The following TREML1 variants were observed in gnomAD, a reference collection of about 807,000 sequenced individuals.
TREML1 encodes trem-like transcript 1 protein.
TREML1 carries 27 observed loss-of-function variants against 22.8 expected under a neutral mutation model. That is an observed-to-expected ratio of 1.19 (90% CI 0.87 to 1.64). The LOEUF (loss-of-function observed/expected upper bound fraction) is 1.64, where lower values mean the gene tolerates loss of function less well. Among genes scored for constraint, TREML1 ranks in the 40% most tolerant of loss-of-function variants. The pLI is 0.00. For synonymous variants in TREML1, 153 were observed against 161.9 expected (o/e 0.94, Z 0.42); for missense variants, 356 against 382.0 (o/e 0.93, Z 0.57).
intron 2 of TREML1, among the ~76,000 whole-genome samples, chr6:41,152,578 AAAC>A (rs1297380463): frequency 6.6e-6 from 1 of 152,156 alleles, no homozygotes; most frequent in East Asian, 1.9e-4. Flanking sequence ...GAGGGAAAAA[AAAC>A]AAGGGAAGGG....
At chr6:41,151,591 A>C in intron 2 of TREML1, 1 of 571,278 alleles carries the variant, frequency 1.8e-6, no homozygotes, top group Non-Finnish European at 3.1e-6. Context: ...CTGGCTCTTT[A>C]TGTCTTTACC....
intron 1 of TREML1, 53 bp downstream of exon 1, chr6:41,154,193 G>A: frequency 6.3e-7 from 1 of 1,598,970 alleles, no homozygotes; most frequent in Non-Finnish European, 8.5e-7. Flanking sequence ...GTTACTCCTG[G>A]ACATGGGGCT....
At position 41,149,624 on chromosome 6, in the gene TREML1, T is replaced by G. The variant is rs569288342; in HGVS notation, c.916A>C (p.Asn306His). ...GCAGCTTAGCTGGATGGAGTCTGAT[T>G]GTTAGGTGGATTCTGGGCTGGCCCA... ...SCGPAQNPPN[N>H]QTPSS is the part of the protein sequence containing the mutation. The change falls in exon 6 of 6, where the codon AAT (asparagine) becomes CAT (histidine). Residue 306 changes from asparagine to histidine, a missense_variant. Asn to His is a moderately conservative substitution (Grantham distance 68, BLOSUM62 1). Coordinates refer to ENST00000426005, the MANE Select transcript of TREML1 (RefSeq NM_178174.4). The G allele has an allele frequency of 4.3e-6, 7 of 1,612,366 alleles. No homozygotes were observed. Among genetic ancestry groups the G allele is most frequent in the Admixed American group, 1.7e-5 (1 of 59,984 alleles).
intron 3 of TREML1, 142 bp downstream of exon 3, chr6:41,151,136 GTATC>G (rs1765233893): frequency 8.0e-6 from 6 of 752,498 alleles, no homozygotes; most frequent in African/African-American, 1.7e-5. Context: ...AGAGAAGTAT[GTATC>G]TGTCTGTCTG....
upstream of TREML1, among the ~76,000 whole-genome samples, chr6:41,154,882 T>A (rs933004364): frequency 6.6e-6 from 1 of 152,172 alleles, no homozygotes; most frequent in African/African-American, 2.4e-5. Context: ...GGAAACAAAT[T>A]CTTACTTTGA....
Position 41,150,976 on chromosome 6 carries a change from G to A in TREML1, c.480-69C>T, listed in dbSNP as rs527784625. The A allele has an allele frequency of 2.2e-6, 3 of 1,357,460 alleles. No individual in the cohort carries two copies. The Admixed American group carries it at 5.1e-5, about 23-fold the overall frequency. 84.1% of individuals were successfully genotyped at this position (1,357,460 alleles called of 1,614,324 possible). A position where few individuals can be genotyped will look rare whatever the true frequency, so the allele number is the denominator to read the frequency against. On this transcript the variant is annotated intron_variant, in intron 3 of 5. Transcript: ENST00000426005. ...TGGGGAGCTGCTGGCCAGGAGCCCT[G>A]GAGCAGTGACAGAAGGGTTACATTC...
chr6:41,153,784 CTG>C lies in TREML1; in HGVS notation c.348_349del (p.His116GlnfsTer17), dbSNP rs764700793. On this transcript the variant is annotated frameshift_variant, in exon 2 of 6. Coordinates refer to ENST00000426005, the MANE Select transcript of TREML1 (RefSeq NM_178174.4). LOFTEE classifies it high-confidence loss of function. ...TGGGGGCAGTATGTTCAGAGAGACT[CTG>C]TGCAAAATCTGGGGCCCCCTGGCCC... 10 of 1,612,508 alleles carry C rather than the reference CTG, an allele frequency of 6.2e-6. No individual in the cohort carries two copies. Among genetic ancestry groups the C allele is most frequent in the Middle Eastern group, 1.6e-4 (1 of 6,076 alleles).
Position 41,149,575 on chromosome 6 carries a change from C to A in TREML1, c.*29G>T. Reference sequence around the variant, plus strand: ...GATGCACAGAACCCCTAGGGATGGTCCTCATGAGTTTAAAGTGTGATGAGC... The same window carrying A: ...GATGCACAGAACCCCTAGGGATGGTACTCATGAGTTTAAAGTGTGATGAGC... On this transcript the variant is annotated 3_prime_UTR_variant, in exon 6 of 6. Coordinates refer to ENST00000426005, the MANE Select transcript of TREML1 (RefSeq NM_178174.4). The A allele has an allele frequency of 6.3e-7, 1 of 1,584,932 alleles. No homozygotes were observed. The highest frequency in any genetic ancestry group is 8.6e-7 in the Non-Finnish European group (1 of 1,163,276).
chr6:41,154,280 G>A lies in TREML1; in HGVS notation c.9C>T (p.Leu3=), dbSNP rs369167325. 5 of 1,613,914 alleles carry A rather than the reference G, an allele frequency of 3.1e-6. No homozygotes were observed. The highest frequency in any genetic ancestry group is 1.7e-6 in the Non-Finnish European group (2 of 1,179,978). ...CCAGGAGCAGCAGCAAGAGCAGGGTGAGGCCCATGGCTGGGCAGAGAAATG... is the reference window on the plus strand; with the variant it reads ...CCAGGAGCAGCAGCAAGAGCAGGGTAAGGCCCATGGCTGGGCAGAGAAATG... MG[L]TLLLLLLLGL... is the part of the protein sequence containing the mutation. The change falls in exon 1 of 6, where the codon CTC becomes CTT. Residue 3 remains leucine (L), a synonymous_variant. Transcript: ENST00000426005.
intron 2 of TREML1, 147 bp downstream of exon 2, chr6:41,153,611 C>T (rs1043565827): frequency 5.5e-5 from 42 of 761,834 alleles, no homozygotes; most frequent in South Asian, 3.6e-4. Flanking sequence ...GTTTGGTTTC[C>T]GCTCCCTGCA....
intron 2 of TREML1, 43 bp downstream of exon 2, chr6:41,153,715 G>T: frequency 1.3e-6 from 2 of 1,532,338 alleles, no homozygotes; most frequent in Non-Finnish European, 1.8e-6. Context: ...CGGGGGTGGG[G>T]AGGGTAGGTC....
downstream of TREML1, chr6:41,149,272 T>C (rs1765178999): frequency 8.5e-6 from 2 of 236,244 alleles, no homozygotes; most frequent in African/African-American, 2.2e-5. Context: ...TAGACCAGAG[T>C]CTTTTCCATT....
At position 41,153,913 on chromosome 6, in the gene TREML1, C is replaced by G. The variant is rs762239441; in HGVS notation, c.221G>C (p.Gly74Ala). The G allele has an allele frequency of 6.2e-7, 1 of 1,614,232 alleles. No homozygotes were observed. Among genetic ancestry groups the G allele is most frequent in the East Asian group, 2.2e-5 (1 of 44,874 alleles). ...CAGGTCTGTGAGAAACGTACGCCTG[C>G]CCGCTGGAGCTCTGCGATCCACAGC... ...SSAVDRRAPA[G>A]RRTFLTDLGG... Residue 74 changes from glycine (G) to alanine (A), a missense_variant, in exon 2 of 6, where the codon GGC (glycine) becomes GCC (alanine). Transcript: ENST00000426005.
intron 2 of TREML1, among the ~76,000 whole-genome samples, chr6:41,152,495 A>G (rs1018013390): frequency 2.9e-4 from 44 of 152,202 alleles, no homozygotes; most frequent in African/African-American, 9.9e-4. Flanking sequence ...CAATATATTT[A>G]TAATATAAAA....
chr6:41,150,441 A>G (rs1026790679), intron 4 of TREML1, 128 bp from the exon 5 acceptor site: 1 of 825,690 alleles, frequency 1.2e-6, no homozygotes, highest in African/African-American at 1.7e-5. Context: ...CACTCCCACC[A>G]CCAAACCTTT....
rs1365038147 is a variant in TREML1 at position 41,149,874 on chromosome 6, A to G, written c.666T>C (p.Ala222=). Residue 222 remains alanine, a synonymous_variant, in exon 6 of 6, where the codon GCT becomes GCC. Coordinates refer to ENST00000426005, the MANE Select transcript of TREML1 (RefSeq NM_178174.4). ...VVHHVSDSGP[A]AELPLDVPHI... Reference sequence around the variant, plus strand: ...GTGGTACATCCAAAGGCAATTCAGCAGCCGGTCCAGAGTCACTGACGTGGT... The same window carrying G: ...GTGGTACATCCAAAGGCAATTCAGCGGCCGGTCCAGAGTCACTGACGTGGT... 10 of 1,614,018 alleles carry G rather than the reference A, an allele frequency of 6.2e-6. No individual in the cohort carries two copies. The highest frequency in any genetic ancestry group is 6.8e-6 in the Non-Finnish European group (8 of 1,180,032).
At chr6:41,153,708 GGGTGGGGAGGGT>G (rs746468038) in intron 2 of TREML1, 38 bp downstream of exon 2, 1 of 1,518,358 alleles carries the variant, frequency 6.6e-7, no homozygotes, top group Non-Finnish European at 8.9e-7. Flanking sequence ...CAATAGGCGG[GGGTGGGGAGGGT>G]AGGTCTAAGG....
rs1272462992 is a variant in TREML1 at position 41,149,779 on chromosome 6, G to A, written c.761C>T (p.Ser254Leu). ...TYTSLPLDSPSGKPSLPAPSS... is the reference protein window; with the variant it reads ...TYTSLPLDSPLGKPSLPAPSS... Reference sequence around the variant, plus strand: ...TGGAGCTGGGAGTGAAGGTTTTCCTGATGGGGAATCAAGAGGTAGGCTGGT... The same window carrying A: ...TGGAGCTGGGAGTGAAGGTTTTCCTAATGGGGAATCAAGAGGTAGGCTGGT... The change falls in exon 6 of 6, where the codon TCA (serine) becomes TTA (leucine). Residue 254 changes from serine to leucine, a missense_variant. By Grantham distance (145) the Ser-to-Leu change is moderately radical. Transcript: ENST00000426005. 6.2e-7 allele frequency: 1 copy of A among 1,614,076 alleles called. No individual in the cohort carries two copies. Among genetic ancestry groups the A allele is most frequent in the African/African-American group, 1.3e-5 (1 of 74,920 alleles).
At chr6:41,150,155 A>C in intron 5 of TREML1, 106 bp downstream of exon 5, 1 of 1,300,116 alleles carries the variant, frequency 7.7e-7, no homozygotes, top group South Asian at 1.3e-5. Flanking sequence ...TTGGACCCCA[A>C]CTAGGTCCCA....
Sources: allele counts gnomAD v4.1 joint callset (sites outside exome capture counted in the v4.1 genomes callset), GRCh38; gene constraint gnomAD v4.1.1; transcripts MANE v1.5; gene names NCBI Gene and HGNC (gene_info 2026-07-23, HGNC 2026-07-21).